The following PPP1R9A variants were observed in gnomAD, a reference collection of about 807,000 sequenced individuals.
The protein encoded by PPP1R9A is neurabin-1.
Under a neutral mutation model 141.9 loss-of-function variants are expected in PPP1R9A, and 59 were observed. The observed-to-expected ratio is 0.42, with a 90% CI of 0.34 to 0.52. The LOEUF is 0.52. Ranked by LOEUF, PPP1R9A falls within the 20% of genes least tolerant of loss-of-function variation. PPP1R9A has a pLI of 0.10. For missense variants in PPP1R9A, 1,444 were observed against 1,611.9 expected (o/e 0.90, Z 1.78); for synonymous variants, 500 against 569.7 (o/e 0.88, Z 1.74).
chr7:95,105,835 C>A (rs1396932924), intron 2 of PPP1R9A, among the ~76,000 whole-genome samples: 1 of 152,194 alleles, frequency 6.6e-6, no homozygotes, highest in Non-Finnish European at 1.5e-5. Flanking sequence ...TGTGTAATGA[C>A]AGTGCATTGC....
At chr7:94,973,532 G>A (rs902380860) in intron 2 of PPP1R9A, among the ~76,000 whole-genome samples, 3 of 152,120 alleles carry the variant, frequency 2.0e-5, no homozygotes, top group Non-Finnish European at 4.4e-5. Flanking sequence ...TATAGTAAGT[G>A]AGATAGGAAT....
At chr7:95,159,360 A>G (rs1263062525) in intron 4 of PPP1R9A, among the ~76,000 whole-genome samples, 1 of 152,184 alleles carries the variant, frequency 6.6e-6, no homozygotes, top group African/African-American at 2.4e-5. Context: ...TCATGCATAT[A>G]TATAGATCCT....
chr7:95,112,361 A>G, intron 3 of PPP1R9A, among the ~76,000 whole-genome samples: 1 of 152,210 alleles, frequency 6.6e-6, no homozygotes, highest in East Asian at 1.9e-4. Context: ...CCACAATGAG[A>G]CACCATCTCA....
In PPP1R9A at chr7:94,981,929, C is replaced by G. The variant is rs182811504; in HGVS notation, c.1395+70421C>G. On this transcript the variant is annotated intron_variant, in intron 2 of 19. Coordinates refer to ENST00000433360, the MANE Select transcript of PPP1R9A (RefSeq NM_001166160.2). ...CATGTTGGTTTGCCGCACCCATTAA[C>G]TCATCATTTACATTAGGTATTTCTC... Among the ~76,000 whole-genome samples the G allele has an allele frequency of 3.6e-3, 544 of 152,016 alleles. 3 individuals are homozygous for G. The highest frequency in any genetic ancestry group is 0.012 in the African/African-American group (509 of 41,432).
At position 95,108,853 on chromosome 7, in the gene PPP1R9A, A is replaced by G. The variant is rs181106229; in HGVS notation, c.1396-2406A>G. The G allele has an allele frequency of 9.3e-4, 141 of 152,268 alleles. 1 individual carries two copies. The highest frequency in any genetic ancestry group is 3.1e-3 in the African/African-American group (129 of 41,550). The allele number at this position is 152,268 out of a possible 1,614,324, so 9.4% of individuals were successfully genotyped here. ...TTTATATATAGACACACGCATACAT[A>G]TTTATTTACTTACTAGTATTAGTGA... On this transcript the variant is annotated intron_variant, in intron 2 of 19. Coordinates refer to ENST00000433360, the MANE Select transcript of PPP1R9A (RefSeq NM_001166160.2).
At chr7:95,232,835 G>C (rs909473633) in intron 8 of PPP1R9A, among the ~76,000 whole-genome samples, 2 of 152,184 alleles carry the variant, frequency 1.3e-5, no homozygotes, top group African/African-American at 4.8e-5. Flanking sequence ...TCTCATACCA[G>C]TTAGAATGAC....
chr7:95,077,292 C>A (rs866288160), intron 2 of PPP1R9A, among the ~76,000 whole-genome samples: 5 of 152,110 alleles, frequency 3.3e-5, no homozygotes, highest in South Asian at 2.1e-4. Context: ...AAGTAGTGAT[C>A]TTCAAACAGT....
At chr7:95,069,415 G>C (rs538067133) in intron 2 of PPP1R9A, among the ~76,000 whole-genome samples, 3 of 152,234 alleles carry the variant, frequency 2.0e-5, no homozygotes, top group South Asian at 2.1e-4. Flanking sequence ...ACATTCAGAA[G>C]GGAGGGCAGT....
chr7:94,919,661 A>G (rs908712102), intron 2 of PPP1R9A, among the ~76,000 whole-genome samples: 2 of 152,102 alleles, frequency 1.3e-5, no homozygotes, highest in Admixed American at 6.6e-5. Context: ...TCATCCTTCA[A>G]TATTTCGATA....
chr7:95,121,495 A>G (rs1354423399), intron 4 of PPP1R9A, among the ~76,000 whole-genome samples: 1 of 148,238 alleles, frequency 6.7e-6, no homozygotes, highest in Non-Finnish European at 1.5e-5. Flanking sequence ...CTATCTATCT[A>G]TCTATCTATC....
At chr7:95,278,313 A>T (rs1803571519) in intron 16 of PPP1R9A, among the ~76,000 whole-genome samples, 1 of 152,216 alleles carries the variant, frequency 6.6e-6, no homozygotes, top group Admixed American at 6.5e-5. Context: ...GGACTCAAAG[A>T]CTTAGTATGA....
intron 2 of PPP1R9A, among the ~76,000 whole-genome samples, chr7:94,954,667 G>A (rs1283219544): frequency 2.7e-5 from 4 of 150,344 alleles, no homozygotes; most frequent in Admixed American, 1.3e-4. Context: ...ATTATTTTTA[G>A]CATTTTAATG....
At chr7:95,105,038 T>C (rs1819317845) in intron 2 of PPP1R9A, among the ~76,000 whole-genome samples, 1 of 152,182 alleles carries the variant, frequency 6.6e-6, no homozygotes, top group Admixed American at 6.5e-5. Context: ...CTTTGATGTG[T>C]CAGGAAGATT....
At chr7:95,095,857 C>T (rs1358271390) in intron 2 of PPP1R9A, among the ~76,000 whole-genome samples, 1 of 152,154 alleles carries the variant, frequency 6.6e-6, no homozygotes, top group Non-Finnish European at 1.5e-5. Flanking sequence ...GTTTGTGCTT[C>T]AATCTTGTTT....
In PPP1R9A at chr7:94,960,859, T is replaced by A. The variant is rs753004672; in HGVS notation, c.1395+49351T>A. ...ATTGTGTTCATTTAAAAGATGTTTCTTGTGGCTATGTTTCTTTTCATTTGC... is the reference window on the plus strand; with the variant it reads ...ATTGTGTTCATTTAAAAGATGTTTCATGTGGCTATGTTTCTTTTCATTTGC... On this transcript the variant is annotated intron_variant, in intron 2 of 19. Transcript: ENST00000433360. Among the ~76,000 whole-genome samples, 6 of 151,768 alleles carry A rather than the reference T, an allele frequency of 4.0e-5. 1 individual carries two copies. In the South Asian group the frequency reaches 1.2e-3, roughly 31 times the overall value.
intron 7 of PPP1R9A, among the ~76,000 whole-genome samples, chr7:95,221,274 T>C (rs575500938): frequency 1.3e-3 from 196 of 152,240 alleles, no homozygotes; most frequent in African/African-American, 4.2e-3. Flanking sequence ...GCTAAGGAAC[T>C]GTTTTGTCCT....
rs118120981 is a variant in PPP1R9A, at chr7:95,092,331, A to G, written c.1396-18928A>G. Among the ~76,000 whole-genome samples, 429 of 146,830 alleles carry G rather than the reference A, an allele frequency of 2.9e-3. 11 individuals are homozygous for G. The highest frequency in any genetic ancestry group is 0.029 in the East Asian group (148 of 5,138). ...AGAGGAGCAGCTTTTTCTTGTCTGTATCTTATACTACACGCTTTTTTTTTT... is the reference window on the plus strand; with the variant it reads ...AGAGGAGCAGCTTTTTCTTGTCTGTGTCTTATACTACACGCTTTTTTTTTT... On this transcript the variant is annotated intron_variant, in intron 2 of 19. Transcript: ENST00000433360.
chr7:95,245,369 C>A (rs934292319), intron 8 of PPP1R9A, among the ~76,000 whole-genome samples: 5 of 152,132 alleles, frequency 3.3e-5, no homozygotes, highest in African/African-American at 1.2e-4. Context: ...GGCAATGGAT[C>A]AGAACGAGAA....
chr7:94,945,114 A>G (rs1334511907), intron 2 of PPP1R9A, among the ~76,000 whole-genome samples: 5 of 152,010 alleles, frequency 3.3e-5, no homozygotes, highest in Non-Finnish European at 7.4e-5. Flanking sequence ...ATATGCCTGT[A>G]TATATGATAT....
Sources: gnomAD v4.1 joint callset for allele counts (sites outside exome capture counted in the v4.1 genomes callset) on GRCh38, gnomAD v4.1.1 for gene constraint, MANE v1.5 for transcripts, NCBI Gene and HGNC (gene_info 2026-07-23, HGNC 2026-07-21) for gene names.